The following FCF1 variants were observed in gnomAD, a reference collection of about 807,000 sequenced individuals.
FCF1 encodes rRNA-processing protein FCF1 homolog.
Under a neutral mutation model 32.5 loss-of-function variants are expected in FCF1, and 17 were observed. The observed-to-expected ratio is 0.52, with a 90% confidence interval of 0.36 to 0.78. FCF1 has a LOEUF of 0.78. FCF1 is among the 30% of genes least tolerant of loss of function. The probability of loss-of-function intolerance (pLI) is 0.00; values close to 1 mark genes in which losing one functional copy is unlikely to be tolerated. For synonymous variants in FCF1, 84 were observed against 78.4 expected (o/e 1.07, Z -0.38); for missense variants, 201 against 241.1 (o/e 0.83, Z 1.10).
chr14:74,714,996 A>G, intron 3 of FCF1, 53 bp downstream of exon 3: 1 of 1,528,786 alleles, frequency 6.5e-7, no homozygotes, highest in South Asian at 1.3e-5. Context: ...CCTCTTAGAA[A>G]TCCAGGCTTT....
intron 3 of FCF1, 75 bp from the exon 4 acceptor site, chr14:74,715,876 A>G: frequency 6.2e-7 from 1 of 1,607,188 alleles, no homozygotes; most frequent in Non-Finnish European, 8.5e-7. Flanking sequence ...TCCCAAGCAG[A>G]CTTCTTTTTT....
At position 74,715,951 on chromosome 14, in the gene FCF1, T is replaced by C. The variant is rs148077636; in HGVS notation, c.144T>C (p.Val48=). 338 of 1,613,294 alleles carry C rather than the reference T, an allele frequency of 2.1e-4. No homozygotes were observed. Among genetic ancestry groups the C allele is most frequent in the Non-Finnish European group, 2.7e-4 (317 of 1,179,638 alleles). Residue 48 remains valine, a splice_region_variant and synonymous_variant, in exon 4 of 8, where the codon GTT becomes GTC. Transcript: ENST00000341162. ...TGTTCTTGTTTTCTTTTTCCTTCAG[T>C]CCCCAACACCCTTCCTGCTTATTTT... The part of the protein sequence containing the change: ...KDPSALKERE[V]PQHPSCLFFQ...
At chr14:74,731,764 G>A (rs2090640805) in intron 5 of FCF1, among the ~76,000 whole-genome samples, 1 of 151,982 alleles carries the variant, frequency 6.6e-6, no homozygotes, top group African/African-American at 2.4e-5. Flanking sequence ...AACCCACATT[G>A]ACCTAGCGCT....
chr14:74,713,588 A>T, intron 2 of FCF1, 36 bp downstream of exon 2: 1 of 1,556,974 alleles, frequency 6.4e-7, no homozygotes, highest in Non-Finnish European at 8.8e-7. Flanking sequence ...GGGATATTCT[A>T]ATAAGAGTCT....
At chr14:74,727,473 ATTTG>A (rs1191523991) in intron 5 of FCF1, among the ~76,000 whole-genome samples, 1 of 151,764 alleles carries the variant, frequency 6.6e-6, no homozygotes, top group South Asian at 2.1e-4. Flanking sequence ...TTTCTTGTAA[ATTTG>A]TTTGAGTTCA....
chr14:74,713,419 AAAG>A, intron 1 of FCF1, 63 bp from the exon 2 acceptor site: 5 of 1,566,606 alleles, frequency 3.2e-6, no homozygotes, highest in Non-Finnish European at 4.4e-6. Flanking sequence ...AGACAAGAGA[AAAG>A]AAGAGACTTT....
chr14:74,720,552 A>G (rs1296434274), intron 4 of FCF1, among the ~76,000 whole-genome samples: 1 of 152,102 alleles, frequency 6.6e-6, no homozygotes, highest in Non-Finnish European at 1.5e-5. Context: ...ATAATATTCC[A>G]CTGTATGGAT....
chr14:74,733,863 C>T (rs2090669680), intron 6 of FCF1, among the ~76,000 whole-genome samples: 1 of 152,212 alleles, frequency 6.6e-6, no homozygotes, highest in African/African-American at 2.4e-5. Context: ...ATTCTAAATG[C>T]TGCATTCAGC....
chr14:74,727,317 T>C (rs1322982401), intron 5 of FCF1, among the ~76,000 whole-genome samples: 5 of 151,582 alleles, frequency 3.3e-5, no homozygotes, highest in African/African-American at 1.2e-4. Flanking sequence ...TGTGAGATGG[T>C]ATCTCATTGT....
At position 74,736,039 on chromosome 14, in the gene FCF1, C is replaced by CTA. The variant is rs2090703921; in HGVS notation, c.*1112_*1113dup. 1 of 152,592 alleles carries CTA rather than the reference C, an allele frequency of 6.6e-6. No homozygotes were observed. Among genetic ancestry groups the CTA allele is most frequent in the African/African-American group, 2.4e-5 (1 of 41,438 alleles). The allele number at this position is 152,592 out of a possible 1,614,324, so 9.5% of individuals were successfully genotyped here. A position where few individuals can be genotyped will look rare whatever the true frequency, so the allele number is the denominator to read the frequency against. ...GCCTCAGCCTGCGGAGTAGCTGGGA[C>CTA]TATAGGTGCGTGCCACCACGTCCAG... On this transcript the variant is annotated 3_prime_UTR_variant, in exon 8 of 8. Transcript: ENST00000341162.
chr14:74,723,686 G>A (rs1052393207), intron 5 of FCF1, among the ~76,000 whole-genome samples: 3 of 151,866 alleles, frequency 2.0e-5, no homozygotes, highest in African/African-American at 7.3e-5. Context: ...AAATTAGCCG[G>A]CTGTGGTGGC....
At chr14:74,730,205 GC>G (rs2090616687) in intron 5 of FCF1, among the ~76,000 whole-genome samples, 3 of 135,818 alleles carry the variant, frequency 2.2e-5, no homozygotes, top group Non-Finnish European at 3.1e-5. Context: ...ATGTGTATAT[GC>G]TTTTTTTTTT....
intron 6 of FCF1, among the ~76,000 whole-genome samples, chr14:74,733,801 G>A (rs17102239): frequency 0.02 from 3,090 of 152,164 alleles, 104 homozygotes; most frequent in African/African-American, 0.071. Context: ...TCATTTATGA[G>A]CAGAAAACAG....
intron 5 of FCF1, among the ~76,000 whole-genome samples, chr14:74,728,972 A>G (rs2090603182): frequency 1.3e-5 from 2 of 152,152 alleles, no homozygotes; most frequent in Non-Finnish European, 2.9e-5. Context: ...ATGGTGGATA[A>G]GCTTTTTGAT....
chr14:74,723,408 T>C (rs1206875548), intron 5 of FCF1, 64 bp downstream of exon 5: 3 of 1,222,656 alleles, frequency 2.5e-6, no homozygotes, highest in Non-Finnish European at 3.5e-6. Context: ...TGTTTGTTGT[T>C]TAAAGATTTC....
At chr14:74,733,733 TC>T (rs1404345708) in intron 6 of FCF1, among the ~76,000 whole-genome samples, 9 of 152,140 alleles carry the variant, frequency 5.9e-5, no homozygotes, top group African/African-American at 2.2e-4. Context: ...TCCATGGAGT[TC>T]CTCGGAGCAT....
chr14:74,728,793 T>C (rs1375393300), intron 5 of FCF1, among the ~76,000 whole-genome samples: 1 of 152,228 alleles, frequency 6.6e-6, no homozygotes, highest in Non-Finnish European at 1.5e-5. Context: ...CCTAATTTAT[T>C]GAGAGTTTTT....
At chr14:74,724,622 A>G (rs1188063373) in intron 5 of FCF1, among the ~76,000 whole-genome samples, 1 of 152,206 alleles carries the variant, frequency 6.6e-6, no homozygotes, top group African/African-American at 2.4e-5. Context: ...AAGAAACTAT[A>G]GGCTGGGCAC....
intron 4 of FCF1, 43 bp from the exon 5 acceptor site, chr14:74,723,229 C>A (rs768920899): frequency 7.2e-7 from 1 of 1,395,666 alleles, no homozygotes; most frequent in Non-Finnish European, 1.0e-6. Flanking sequence ...GAGATAATTT[C>A]GTTACAAGTT....
Sources: gnomAD v4.1 joint callset for allele counts (sites outside exome capture counted in the v4.1 genomes callset) on GRCh38, gnomAD v4.1.1 for gene constraint, MANE v1.5 for transcripts, NCBI Gene and HGNC (gene_info 2026-07-23, HGNC 2026-07-21) for gene names.